Variants in PRKG1 observed in about 807,000 individuals in gnomAD.
The protein encoded by PRKG1 is cGMP-dependent protein kinase 1.
PRKG1 carries 35 observed loss-of-function variants against 88.1 expected under a neutral mutation model. The ratio of observed to expected loss-of-function variants is 0.40; its 90% CI spans 0.30 to 0.53. PRKG1 has a LOEUF of 0.53. PRKG1 is among the 20% of genes least tolerant of loss of function. The pLI is 0.59. For synonymous variants in PRKG1, 303 were observed against 292.5 expected (o/e 1.04, Z -0.37); for missense variants, 540 against 839.8 (o/e 0.64, Z 4.41).
At chr10:52,274,139 T>G (rs569108594) in intron 12 of PRKG1, among the ~76,000 whole-genome samples, 1 of 152,096 alleles carries the variant, frequency 6.6e-6, no homozygotes, top group African/African-American at 2.4e-5. Flanking sequence ...TTTTTTATTT[T>G]TTCATAAGTT....
chr10:51,983,679 TG>T (rs1490899460), intron 5 of PRKG1, among the ~76,000 whole-genome samples: 1 of 152,214 alleles, frequency 6.6e-6, no homozygotes, highest in African/African-American at 2.4e-5. Context: ...CCAAACACTC[TG>T]GGCTCTGCAT....
intron 2 of PRKG1, among the ~76,000 whole-genome samples, chr10:51,358,054 C>A (rs565994006): frequency 2.0e-5 from 3 of 151,638 alleles, no homozygotes; most frequent in Admixed American, 6.6e-5. Flanking sequence ...CAGCCATAAC[C>A]ATTTCTTATT....
intron 3 of PRKG1, among the ~76,000 whole-genome samples, chr10:51,760,472 GTTT>G: frequency 9.1e-6 from 1 of 110,052 alleles, no homozygotes; most frequent in African/African-American, 3.3e-5. Flanking sequence ...TTGACTTTTC[GTTT>G]TTTTTTTTTT....
intron 5 of PRKG1, among the ~76,000 whole-genome samples, chr10:51,918,113 T>A (rs1842383123): frequency 6.6e-6 from 1 of 152,202 alleles, no homozygotes; most frequent in African/African-American, 2.4e-5. Flanking sequence ...TTATTCCTAG[T>A]CCCAATGTGC....
intron 2 of PRKG1, among the ~76,000 whole-genome samples, chr10:51,170,764 T>A (rs1045230988): frequency 3.5e-4 from 1 of 2,872 alleles, no homozygotes; most frequent in South Asian, 0.01. Context: ...ATTGCAGGGG[T>A]GGGGGGGTGG....
intron 2 of PRKG1, among the ~76,000 whole-genome samples, chr10:51,460,258 A>G (rs912581566): frequency 6.6e-6 from 1 of 152,118 alleles, no homozygotes; most frequent in Non-Finnish European, 1.5e-5. Flanking sequence ...TAATATTAAA[A>G]CATAACAAAA....
intron 2 of PRKG1, among the ~76,000 whole-genome samples, chr10:51,246,462 C>A (rs1260883906): frequency 6.6e-6 from 1 of 151,676 alleles, no homozygotes; most frequent in Admixed American, 6.6e-5. Context: ...TTTTTTTTCA[C>A]ATATTGTCTG....
At chr10:51,225,550 CT>C (rs1306683999) in intron 2 of PRKG1, among the ~76,000 whole-genome samples, 1 of 152,114 alleles carries the variant, frequency 6.6e-6, no homozygotes, top group Non-Finnish European at 1.5e-5. Context: ...CATATTTTAG[CT>C]TATTTTCCTT....
chr10:51,630,401 A>C (rs77412800), intron 3 of PRKG1, among the ~76,000 whole-genome samples: 2,344 of 152,234 alleles, frequency 0.015, 32 homozygotes, highest in Non-Finnish European at 0.024. Context: ...CTGAGAAGCA[A>C]CCTCTTTGAC....
At chr10:51,042,719 C>T (rs929493297) in intron 1 of PRKG1, among the ~76,000 whole-genome samples, 4 of 152,134 alleles carry the variant, frequency 2.6e-5, no homozygotes, top group Admixed American at 1.3e-4. Context: ...GATGGCTCTG[C>T]AGAGTGCTGG....
At chr10:51,032,901 G>A (rs1843302709) in intron 1 of PRKG1, among the ~76,000 whole-genome samples, 2 of 151,872 alleles carry the variant, frequency 1.3e-5, no homozygotes, top group South Asian at 4.2e-4. Flanking sequence ...TATATTTTGG[G>A]GGTACATGAG....
intron 3 of PRKG1, among the ~76,000 whole-genome samples, chr10:51,502,614 T>G (rs1841063786): frequency 6.6e-6 from 1 of 152,184 alleles, no homozygotes; most frequent in Non-Finnish European, 1.5e-5. Flanking sequence ...GTGAAACATA[T>G]AAGCACTCTG....
chr10:52,084,190 T>A (rs1846852781), intron 7 of PRKG1, among the ~76,000 whole-genome samples: 1 of 152,002 alleles, frequency 6.6e-6, no homozygotes, highest in South Asian at 2.1e-4. Context: ...GTCTGGTTTT[T>A]AAAAAGGAGC....
chr10:51,702,121 A>T (rs933119649), intron 3 of PRKG1, among the ~76,000 whole-genome samples: 4 of 152,210 alleles, frequency 2.6e-5, no homozygotes, highest in Non-Finnish European at 5.9e-5. Flanking sequence ...GTACATGCTG[A>T]TCTGCTACTG....
At position 51,201,996 on chromosome 10, in the gene PRKG1, C is replaced by T. The variant is rs192022625; in HGVS notation, c.478+48666C>T. On this transcript the variant is annotated intron_variant, in intron 2 of 17. Coordinates refer to ENST00000373980, the MANE Select transcript of PRKG1 (RefSeq NM_006258.4). ...GTAGGCAGGTCTTTTTTAACAGCTA[C>T]TGACTGAACATCTACTGTTTTCTGT... Among the ~76,000 whole-genome samples the T allele has an allele frequency of 1.9e-4, 29 of 152,344 alleles. 1 individual carries two copies. In the East Asian group the frequency reaches 3.5e-3, roughly 18 times the overall value.
At chr10:51,763,957 C>A (rs1489596095) in intron 3 of PRKG1, among the ~76,000 whole-genome samples, 1 of 152,132 alleles carries the variant, frequency 6.6e-6, no homozygotes, top group South Asian at 2.1e-4. Context: ...ATCTACTAAC[C>A]CATTCATCTA....
intron 2 of PRKG1, among the ~76,000 whole-genome samples, chr10:51,459,349 T>A (rs10762167): frequency 0.13 from 20,114 of 152,102 alleles, 1,583 homozygotes; most frequent in Admixed American, 0.24. Flanking sequence ...GTCTCTGAAG[T>A]ATGAGACTTT....
intron 2 of PRKG1, among the ~76,000 whole-genome samples, chr10:51,301,525 A>G (rs1564436895): frequency 6.6e-6 from 1 of 152,226 alleles, no homozygotes; most frequent in Non-Finnish European, 1.5e-5. Context: ...TGTGCAGAGA[A>G]TTGGCTTATA....
At chr10:51,143,715 G>A (rs1397864184) in intron 1 of PRKG1, among the ~76,000 whole-genome samples, 1 of 152,098 alleles carries the variant, frequency 6.6e-6, no homozygotes, top group Admixed American at 6.6e-5. Context: ...TTTTCCTGAA[G>A]ATGCGTGACA....
Sources: gnomAD v4.1 joint callset for allele counts (sites outside exome capture counted in the v4.1 genomes callset) on GRCh38, gnomAD v4.1.1 for gene constraint, MANE v1.5 for transcripts, NCBI Gene and HGNC (gene_info 2026-07-23, HGNC 2026-07-21) for gene names.